Variants in LIN52 observed in about 807,000 individuals in gnomAD.
LIN52 encodes the protein protein lin-52 homolog.
Under a neutral mutation model 18.5 loss-of-function variants are expected in LIN52, and 4 were observed. The ratio of observed to expected loss-of-function variants is 0.22; its 90% CI spans 0.11 to 0.49. The LOEUF (loss-of-function observed/expected upper bound fraction) is 0.49. Ranked by LOEUF, LIN52 falls within the 20% of genes least tolerant of loss-of-function variation. The pLI, the probability that LIN52 is intolerant of heterozygous loss-of-function variation, is 0.97. For synonymous variants in LIN52, 34 were observed against 45.5 expected, an observed-to-expected ratio of 0.75 and a Z score of 1.02; for missense variants, 102 against 139.5, an observed-to-expected ratio of 0.73 and a Z score of 1.35.
chr14:74,177,912 G>A (rs984154740), intron 5 of LIN52, among the ~76,000 whole-genome samples: 1 of 152,120 alleles, frequency 6.6e-6, no homozygotes, highest in African/African-American at 2.4e-5. Flanking sequence ...TGAGTAGCTG[G>A]GATTACAGGC....
chr14:74,110,792 G>A (rs918198487), intron 5 of LIN52, among the ~76,000 whole-genome samples: 5 of 151,596 alleles, frequency 3.3e-5, no homozygotes, highest in Non-Finnish European at 7.4e-5. Flanking sequence ...GTGAAACCCC[G>A]TCTCTACTAA....
intron 5 of LIN52, among the ~76,000 whole-genome samples, chr14:74,172,524 C>T (rs1219809858): frequency 6.6e-6 from 1 of 152,132 alleles, no homozygotes; most frequent in African/African-American, 2.4e-5. Context: ...AGCACAAACT[C>T]TTCACTGCGT....
intron 5 of LIN52, among the ~76,000 whole-genome samples, chr14:74,157,756 A>C (rs2061205905): frequency 6.6e-6 from 1 of 152,006 alleles, no homozygotes; most frequent in South Asian, 2.1e-4. Flanking sequence ...TGGGTCCTAC[A>C]AGATAACATT....
At chr14:74,113,332 C>T (rs143960471) in intron 5 of LIN52, among the ~76,000 whole-genome samples, 5 of 151,990 alleles carry the variant, frequency 3.3e-5, no homozygotes, top group African/African-American at 9.6e-5. Context: ...GCAGAGGTTG[C>T]GGTGAACTGA....
intron 5 of LIN52, among the ~76,000 whole-genome samples, chr14:74,135,031 C>T (rs2061089647): frequency 6.6e-6 from 1 of 151,990 alleles, no homozygotes; most frequent in South Asian, 2.1e-4. Flanking sequence ...CCTTGCATAC[C>T]CTGAACCTTC....
intron 5 of LIN52, among the ~76,000 whole-genome samples, chr14:74,132,903 A>G (rs959016665): frequency 2.0e-5 from 3 of 152,164 alleles, no homozygotes; most frequent in African/African-American, 4.8e-5. Context: ...ATCTTAATAT[A>G]TAAAATGAAA....
chr14:74,113,514 A>G (rs997289687), intron 5 of LIN52, among the ~76,000 whole-genome samples: 1 of 152,230 alleles, frequency 6.6e-6, no homozygotes, highest in Non-Finnish European at 1.5e-5. Flanking sequence ...GCTCTGCTCA[A>G]GGAACGGTGC....
chr14:74,120,284 T>C (rs981100801), intron 5 of LIN52, among the ~76,000 whole-genome samples: 2 of 151,718 alleles, frequency 1.3e-5, no homozygotes, highest in East Asian at 1.9e-4. Context: ...AACCAAAGAG[T>C]TTTTTCCCCC....
At chr14:74,122,702 C>T (rs2061007028) in intron 5 of LIN52, among the ~76,000 whole-genome samples, 1 of 152,076 alleles carries the variant, frequency 6.6e-6, no homozygotes, top group African/African-American at 2.4e-5. Context: ...CCTGTCTCTA[C>T]TAAAAATATA....
intron 5 of LIN52, among the ~76,000 whole-genome samples, chr14:74,194,797 G>A (rs1453589303): frequency 6.6e-5 from 10 of 152,198 alleles, no homozygotes; most frequent in Admixed American, 1.3e-4. Flanking sequence ...AATGGAAGCG[G>A]TGTTGCCTTC....
intron 5 of LIN52, among the ~76,000 whole-genome samples, chr14:74,136,865 C>T (rs1451687453): frequency 6.6e-6 from 1 of 151,958 alleles, no homozygotes; most frequent in Admixed American, 6.6e-5. Flanking sequence ...CTAAAGGGAG[C>T]GTTAGAGTAT....
intron 5 of LIN52, among the ~76,000 whole-genome samples, chr14:74,158,769 C>G (rs779910412): frequency 6.6e-6 from 1 of 152,222 alleles, no homozygotes; most frequent in African/African-American, 2.4e-5. Context: ...TGAGCCACTG[C>G]GCCCAGCCGT....
At chr14:74,142,930 G>A (rs1357682553) in intron 5 of LIN52, among the ~76,000 whole-genome samples, 1 of 149,928 alleles carries the variant, frequency 6.7e-6, no homozygotes, top group Non-Finnish European at 1.5e-5. Context: ...GCTTCCTCTT[G>A]GTGACGTTTT....
intron 1 of LIN52, among the ~76,000 whole-genome samples, chr14:74,087,186 T>A (rs929393786): frequency 2.0e-5 from 3 of 151,796 alleles, no homozygotes; most frequent in Non-Finnish European, 2.9e-5. Flanking sequence ...GAGGGCGAGA[T>A]GGGTGGATCA....
chr14:74,188,920 G>A (rs2061351513), intron 5 of LIN52, among the ~76,000 whole-genome samples: 1 of 152,062 alleles, frequency 6.6e-6, no homozygotes, highest in Admixed American at 6.6e-5. Context: ...CCCTTCCCTG[G>A]GGGTCAAGAA....
At chr14:74,109,471 A>C (rs1320641644) in intron 5 of LIN52, among the ~76,000 whole-genome samples, 2 of 152,104 alleles carry the variant, frequency 1.3e-5, no homozygotes, top group Non-Finnish European at 2.9e-5. Context: ...GCCTCAAAAC[A>C]AAAAAAATTG....
intron 5 of LIN52, among the ~76,000 whole-genome samples, chr14:74,105,157 C>T (rs2060888886): frequency 6.6e-6 from 1 of 152,108 alleles, no homozygotes; most frequent in African/African-American, 2.4e-5. Context: ...TCAATGGAAT[C>T]AAAAACTTGG....
intron 5 of LIN52, among the ~76,000 whole-genome samples, chr14:74,197,140 G>T (rs1337938144): frequency 6.6e-6 from 1 of 152,180 alleles, no homozygotes; most frequent in Admixed American, 6.5e-5. Context: ...ATGGAGCACT[G>T]AGGGCCACTA....
Position 74,096,003 on chromosome 14 carries a change from C to T in LIN52, c.132+18C>T, listed in dbSNP as rs1408108139. On this transcript the variant is annotated intron_variant, in intron 3 of 5. Transcript: ENST00000555028. ...TCAAAAGTGTAAGTAATATCCCTTA[C>T]CTACTGAGGTCAATCCAAAGTTTCG... 1.3e-5 allele frequency: 20 copies of T among 1,579,284 alleles called. No homozygotes were observed. The highest frequency in any genetic ancestry group is 1.6e-5 in the Non-Finnish European group (18 of 1,156,138).
Sources: allele counts gnomAD v4.1 joint callset (sites outside exome capture counted in the v4.1 genomes callset), GRCh38; gene constraint gnomAD v4.1.1; transcripts MANE v1.5; gene names NCBI Gene and HGNC (gene_info 2026-07-23, HGNC 2026-07-21).